The following SHANK2 variants were observed in gnomAD, a reference collection of about 807,000 sequenced individuals.
SHANK2 encodes the protein SH3 and multiple ankyrin repeat domains 2.
SHANK2 carries 43 observed loss-of-function variants against 133.7 expected under a neutral mutation model. The ratio of observed to expected loss-of-function variants is 0.32; its 90% confidence interval spans 0.25 to 0.41. The LOEUF is 0.41. Ranked by LOEUF, SHANK2 falls within the 10% of genes least tolerant of loss-of-function variation. The probability of loss-of-function intolerance (pLI) is 1.00; values close to 1 mark genes in which losing one functional copy is unlikely to be tolerated. For missense variants in SHANK2, 1,994 were observed against 2,235.8 expected (o/e 0.89, Z 2.18); for synonymous variants, 1,017 against 952.8 (o/e 1.07, Z -1.24).
intron 11 of SHANK2, among the ~76,000 whole-genome samples, chr11:70,857,864 C>A (rs569444487): frequency 6.6e-6 from 1 of 152,202 alleles, no homozygotes; most frequent in African/African-American, 2.4e-5. Context: ...CCATGTTCCA[C>A]GGCTCACACA....
At chr11:70,642,917 T>C (rs892698088) in intron 17 of SHANK2, among the ~76,000 whole-genome samples, 13 of 152,240 alleles carry the variant, frequency 8.5e-5, no homozygotes, top group Non-Finnish European at 2.9e-5. Flanking sequence ...ATTTATTGCA[T>C]ATTTCAAAAT....
intron 14 of SHANK2, among the ~76,000 whole-genome samples, chr11:70,748,229 C>A (rs1426278184): frequency 6.6e-6 from 1 of 152,198 alleles, no homozygotes; most frequent in African/African-American, 2.4e-5. Flanking sequence ...CCACCACAGA[C>A]AAACCCTGAA....
intron 15 of SHANK2, among the ~76,000 whole-genome samples, chr11:70,664,418 C>CCCTGCTGTGCA (rs1203142317): frequency 6.6e-6 from 1 of 152,222 alleles, no homozygotes; most frequent in Admixed American, 6.5e-5. Flanking sequence ...CTCTGCTCAA[C>CCCTGCTGTGCA]CCTGCTGTGC....
rs186831816 is a variant in SHANK2, at chr11:71,167,916, C to T, written c.-12-20578G>A. On this transcript the variant is annotated intron_variant, in intron 2 of 25. Transcript: ENST00000601538. ...CTCCCGGACAGGGCGGCTGTCCGGG[C>T]GGGGGGCTGACCCCCCTACCTCCCT... Among the ~76,000 whole-genome samples the T allele has an allele frequency of 3.6e-3, 527 of 145,680 alleles. 17 individuals are homozygous for T. Among genetic ancestry groups the T allele is most frequent in the African/African-American group, 0.013 (494 of 38,318 alleles).
rs782703779 is a variant in SHANK2, at chr11:70,486,744, C to T, written c.3549G>A (p.Glu1183=). The change falls in exon 25 of 26, where the codon GAG becomes GAA. Residue 1183 remains glutamate (E), a synonymous_variant. Coordinates refer to ENST00000601538, the MANE Select transcript of SHANK2 (RefSeq NM_012309.5). This position sits in a 1 kb window ranked among gnomAD's most constrained non-coding sequence, Gnocchi z 8.0. Reference sequence around the variant, plus strand: ...TCGCGGAGGGCACTGCTGGGCTGCTCTCGGGCCCCTGGGCTTTGGACGTGG... The same window carrying T: ...TCGCGGAGGGCACTGCTGGGCTGCTTTCGGGCCCCTGGGCTTTGGACGTGG... ...LNSTSKAQGP[E]SSPAVPSASS... 1.2e-6 allele frequency: 2 copies of T among 1,610,568 alleles called. No individual in the cohort carries two copies. Among genetic ancestry groups the T allele is most frequent in the Non-Finnish European group, 1.7e-6 (2 of 1,179,938 alleles).
intron 10 of SHANK2, among the ~76,000 whole-genome samples, chr11:70,922,989 C>T (rs1000545462): frequency 1.7e-4 from 26 of 152,046 alleles, no homozygotes; most frequent in African/African-American, 5.6e-4. Context: ...TTGTAACTTA[C>T]GATTAATGAG....
chr11:71,081,837 G>A (rs1340227849), intron 8 of SHANK2, among the ~76,000 whole-genome samples: 3 of 152,160 alleles, frequency 2.0e-5, no homozygotes, highest in Non-Finnish European at 2.9e-5. Context: ...ACAGAGGCTC[G>A]GCCGCTCGTG....
intron 8 of SHANK2, among the ~76,000 whole-genome samples, chr11:71,085,235 T>A (rs1313769736): frequency 6.6e-6 from 1 of 151,806 alleles, no homozygotes; most frequent in Non-Finnish European, 1.5e-5. Context: ...GGAGGGCAGA[T>A]CACTTGAGGT....
intron 15 of SHANK2, chr11:70,669,435 GC>G (rs1414897644): frequency 6.6e-6 from 1 of 152,402 alleles, no homozygotes; most frequent in African/African-American, 2.4e-5. Context: ...GGAGGGGGCT[GC>G]ACATCTGAGC....
chr11:70,473,583 T>C lies in SHANK2; in HGVS notation c.4980-144A>G. The C allele has an allele frequency of 1.2e-6, 1 of 821,232 alleles. No individual in the cohort carries two copies. Among genetic ancestry groups the C allele is most frequent in the South Asian group, 1.4e-5 (1 of 69,306 alleles). The allele number at this position is 821,232 out of a possible 1,614,324, so 50.9% of individuals were successfully genotyped here. On this transcript the variant is annotated intron_variant, in intron 25 of 25. Coordinates refer to ENST00000601538, the MANE Select transcript of SHANK2 (RefSeq NM_012309.5). This position sits in a 1 kb window ranked among gnomAD's most constrained non-coding sequence, Gnocchi z 5.9. Reference sequence around the variant, plus strand: ...AGATCCACTGGCAGTGAACGAATGATTTGCCATGCCAGGGTGGGGGAGGGG... The same window carrying C: ...AGATCCACTGGCAGTGAACGAATGACTTGCCATGCCAGGGTGGGGGAGGGG...
chr11:70,661,582 G>A lies in SHANK2; in HGVS notation c.1936+14C>T. On this transcript the variant is annotated intron_variant, in intron 16 of 25. Coordinates refer to ENST00000601538, the MANE Select transcript of SHANK2 (RefSeq NM_012309.5). Reference sequence around the variant, plus strand: ...ACATGGGAACATATTCAGGCTCAGAGCGGCTGCTCTTACCTTTGGCCCCTC... The same window carrying A: ...ACATGGGAACATATTCAGGCTCAGAACGGCTGCTCTTACCTTTGGCCCCTC... 6.2e-7 allele frequency: 1 copy of A among 1,608,664 alleles called. No individual in the cohort carries two copies. The highest frequency in any genetic ancestry group is 8.5e-7 in the Non-Finnish European group (1 of 1,176,278).
chr11:70,779,023 C>G (rs1385770080), intron 14 of SHANK2, among the ~76,000 whole-genome samples: 1 of 151,960 alleles, frequency 6.6e-6, no homozygotes, highest in African/African-American at 2.4e-5. Flanking sequence ...CCATAGTAAC[C>G]CAGAGCAGGC....
intron 1 of SHANK2, among the ~76,000 whole-genome samples, chr11:71,229,662 A>G (rs1282508898): frequency 1.3e-5 from 2 of 151,172 alleles, no homozygotes; most frequent in African/African-American, 4.9e-5. Context: ...CAGGAGGCTG[A>G]GGCAGGAGAA....
chr11:71,141,078 T>C (rs1952545280), intron 3 of SHANK2, among the ~76,000 whole-genome samples: 1 of 152,082 alleles, frequency 6.6e-6, no homozygotes, highest in South Asian at 2.1e-4. Context: ...TCCCCATGAG[T>C]AGGAGGGAGC....
intron 17 of SHANK2, among the ~76,000 whole-genome samples, chr11:70,620,963 AATAAGACATGTG>A (rs1170661759): frequency 6.6e-6 from 1 of 152,182 alleles, no homozygotes; most frequent in Non-Finnish European, 1.5e-5. Context: ...ACCCAAACTG[AATAAGACATGTG>A]GGGTCCGGTA....
intron 2 of SHANK2, among the ~76,000 whole-genome samples, chr11:71,207,564 T>C (rs782748021): frequency 2.0e-5 from 3 of 152,256 alleles, no homozygotes; most frequent in Non-Finnish European, 4.4e-5. Context: ...AATTACATTC[T>C]CTCTGATTTT....
chr11:70,839,386 C>T (rs1260273810), intron 11 of SHANK2, among the ~76,000 whole-genome samples: 8 of 152,170 alleles, frequency 5.3e-5, no homozygotes, highest in Non-Finnish European at 1.2e-4. Flanking sequence ...CCGTGGTATC[C>T]GGCAGCCAGC....
At chr11:71,121,511 A>C (rs566393064) in intron 3 of SHANK2, among the ~76,000 whole-genome samples, 1 of 152,322 alleles carries the variant, frequency 6.6e-6, no homozygotes, top group Non-Finnish European at 1.5e-5. Flanking sequence ...CCCATTCTGT[A>C]GATTGCCTGT....
intron 2 of SHANK2, among the ~76,000 whole-genome samples, chr11:71,166,017 C>T (rs1953139808): frequency 6.6e-6 from 1 of 152,190 alleles, no homozygotes; most frequent in South Asian, 2.1e-4. Flanking sequence ...TGAGTGTCCA[C>T]ACGCCCCCCA....
Sources: allele counts gnomAD v4.1 joint callset (sites outside exome capture counted in the v4.1 genomes callset), GRCh38; gene constraint gnomAD v4.1.1; non-coding constraint Gnocchi (gnomAD v3.1); transcripts MANE v1.5; gene names NCBI Gene and HGNC (gene_info 2026-07-23, HGNC 2026-07-21).